OCA2: variants seen among roughly 807,000 people sequenced by gnomAD.
OCA2 encodes the protein OCA2 melanosomal transmembrane protein.
A neutral mutation model predicts 100.2 loss-of-function variants in OCA2; 77 were observed. That is an observed-to-expected ratio of 0.77 (90% CI 0.64 to 0.93). The LOEUF (loss-of-function observed/expected upper bound fraction) is 0.93. OCA2 is among the 40% of genes least tolerant of loss of function. The pLI, the probability that OCA2 is intolerant of heterozygous loss-of-function variation, is 0.00. For synonymous variants in OCA2, 432 were observed against 439.2 expected (o/e 0.98, Z 0.21); for missense variants, 1,062 against 1,089.1 (o/e 0.98, Z 0.35).
At chr15:27,758,288 G>A (rs1346297465) in intron 23 of OCA2, among the ~76,000 whole-genome samples, 1 of 152,100 alleles carries the variant, frequency 6.6e-6, no homozygotes, top group Non-Finnish European at 1.5e-5. Context: ...CCAGGAAAGG[G>A]CACTAAAGCT....
intron 2 of OCA2, among the ~76,000 whole-genome samples, chr15:28,036,768 T>A (rs998535909): frequency 2.0e-5 from 3 of 152,160 alleles, no homozygotes; most frequent in African/African-American, 7.2e-5. Flanking sequence ...AGAATTTACA[T>A]TTTTAAAGGC....
chr15:28,085,088 C>T (rs1319474960), intron 1 of OCA2, among the ~76,000 whole-genome samples: 1 of 152,196 alleles, frequency 6.6e-6, no homozygotes, highest in Non-Finnish European at 1.5e-5. Context: ...AATCCCAACC[C>T]TGCTCAGCAG....
At chr15:27,722,707 CCTTT>C in the OCA2 span, among the ~76,000 whole-genome samples, 3,350 of 99,494 alleles carry the variant, frequency 0.034, 132 homozygotes, top group African/African-American at 0.14. Flanking sequence ...TCTCTTCCTT[CCTTT>C]CTTTCTCTCT....
intron 18 of OCA2, among the ~76,000 whole-genome samples, chr15:27,933,377 G>A (rs949481957): frequency 8.3e-6 from 1 of 119,932 alleles, no homozygotes; most frequent in African/African-American, 3.0e-5. Flanking sequence ...TGGGCAGGGT[G>A]GGAGGTGAAA....
chr15:27,740,024 G>A, the OCA2 span, among the ~76,000 whole-genome samples: 5 of 152,150 alleles, frequency 3.3e-5, no homozygotes, highest in Non-Finnish European at 7.3e-5. Flanking sequence ...CTATACACTG[G>A]TTATTTTTTG....
intron 18 of OCA2, among the ~76,000 whole-genome samples, chr15:27,947,277 T>G: frequency 6.6e-6 from 1 of 152,230 alleles, no homozygotes; most frequent in Non-Finnish European, 1.5e-5. Flanking sequence ...GAAACCCATC[T>G]GGCACTAAGG....
At chr15:27,924,585 G>A (rs1298681863) in intron 19 of OCA2, among the ~76,000 whole-genome samples, 1 of 152,102 alleles carries the variant, frequency 6.6e-6, no homozygotes, top group East Asian at 1.9e-4. Flanking sequence ...CACGAGATAA[G>A]TTAGTATTAA....
At chr15:28,087,588 A>G (rs997317228) in intron 1 of OCA2, among the ~76,000 whole-genome samples, 14 of 152,026 alleles carry the variant, frequency 9.2e-5, no homozygotes, top group African/African-American at 3.1e-4. Flanking sequence ...TCTATTAAAA[A>G]CACAAAAACT....
intron 19 of OCA2, among the ~76,000 whole-genome samples, chr15:27,914,153 A>G (rs2038574284): frequency 6.6e-6 from 1 of 152,164 alleles, no homozygotes; most frequent in African/African-American, 2.4e-5. Flanking sequence ...TCATCGCCAT[A>G]GATGCAGAAC....
intron 9 of OCA2, among the ~76,000 whole-genome samples, chr15:28,006,761 A>AT (rs1347292115): frequency 7.9e-5 from 12 of 152,204 alleles, no homozygotes; most frequent in Non-Finnish European, 1.5e-4. Flanking sequence ...AAAGAAATGA[A>AT]TGAGGGGGCA....
chr15:27,837,835 T>A (rs1207304112), intron 23 of OCA2, among the ~76,000 whole-genome samples: 2 of 124,720 alleles, frequency 1.6e-5, no homozygotes, highest in East Asian at 2.3e-4. Flanking sequence ...AAATGCAGAA[T>A]CCTGTAAGAC....
chr15:28,003,000 C>T (rs952734747), intron 9 of OCA2, among the ~76,000 whole-genome samples: 2 of 152,230 alleles, frequency 1.3e-5, no homozygotes, highest in African/African-American at 4.8e-5. Flanking sequence ...GTGGAGCAGT[C>T]CTCCAGCATC....
Position 27,957,833 on chromosome 15 carries a change from A to G in OCA2, c.1637-98T>C. On this transcript the variant is annotated intron_variant, in intron 15 of 23. Coordinates refer to ENST00000354638, the MANE Select transcript of OCA2 (RefSeq NM_000275.3). This position sits in a 1 kb window ranked among gnomAD's most constrained non-coding sequence, Gnocchi z 4.3. ...ACACAGTCGATGCCTGACAGAGCAGACACACACTCGAGACGTGCAGGTAGC... is the reference window on the plus strand; with the variant it reads ...ACACAGTCGATGCCTGACAGAGCAGGCACACACTCGAGACGTGCAGGTAGC... 6.9e-7 allele frequency: 1 copy of G among 1,445,046 alleles called. No homozygotes were observed. 89.5% of individuals were successfully genotyped at this position (1,445,046 alleles called of 1,614,324 possible).
chr15:28,019,012 C>T (rs946493036), intron 6 of OCA2, among the ~76,000 whole-genome samples: 1 of 152,184 alleles, frequency 6.6e-6, no homozygotes, highest in Admixed American at 6.5e-5. Context: ...ATATGAAATA[C>T]ATGAGTATGC....
intron 23 of OCA2, among the ~76,000 whole-genome samples, chr15:27,815,053 G>T (rs935380592): frequency 2.6e-5 from 4 of 152,158 alleles, no homozygotes; most frequent in African/African-American, 9.7e-5. Flanking sequence ...CCGAGGGAGA[G>T]CAGGGCTTCC....
At chr15:27,801,343 A>G (rs1274207486) in intron 23 of OCA2, among the ~76,000 whole-genome samples, 11 of 152,134 alleles carry the variant, frequency 7.2e-5, no homozygotes, top group South Asian at 2.1e-4. Context: ...CACGAGGTCA[A>G]GAGATCAAGA....
At chr15:27,899,207 G>A (rs2037826883) in intron 19 of OCA2, among the ~76,000 whole-genome samples, 1 of 152,182 alleles carries the variant, frequency 6.6e-6, no homozygotes, top group Non-Finnish European at 1.5e-5. Flanking sequence ...GAAGCTTCCA[G>A]AAGTAGCACA....
At chr15:27,899,514 A>G (rs903269587) in intron 19 of OCA2, among the ~76,000 whole-genome samples, 1 of 152,162 alleles carries the variant, frequency 6.6e-6, no homozygotes, top group Admixed American at 6.5e-5. Flanking sequence ...ACAAATAAGG[A>G]TTTCCTTTTC....
In OCA2 at chr15:27,957,534, A is replaced by G; in HGVS notation, c.1784+54T>C. The G allele has an allele frequency of 1.9e-6, 3 of 1,603,640 alleles. No homozygotes were observed. The highest frequency in any genetic ancestry group is 4.5e-5 in the East Asian group (2 of 44,816). On this transcript the variant is annotated intron_variant, in intron 16 of 23. Transcript: ENST00000354638. The surrounding 1 kb of genome is among the most constrained non-coding windows in gnomAD (Gnocchi z 4.3). The stretch of plus-strand genomic sequence containing the variant: ...GCTAATGTCGCTATTTTGTAGGCCC[A>G]TGGAATGTTCTGCTGCACACCAAGC...
Sources: allele counts gnomAD v4.1 joint callset (sites outside exome capture counted in the v4.1 genomes callset), GRCh38; gene constraint gnomAD v4.1.1; non-coding constraint Gnocchi (gnomAD v3.1); transcripts MANE v1.5; gene names NCBI Gene and HGNC (gene_info 2026-07-23, HGNC 2026-07-21).